The following LY86 variants were observed in gnomAD, a reference collection of about 807,000 sequenced individuals.
The protein encoded by LY86 is MD-1, RP105-associated.
A neutral mutation model predicts 17.3 loss-of-function variants in LY86; 20 were observed. The ratio of observed to expected loss-of-function variants is 1.15; its 90% CI spans 0.81 to 1.68. LY86 has a LOEUF of 1.68. LY86 is among the 40% of genes most tolerant of loss of function. The pLI is 0.00. For synonymous variants in LY86, 74 were observed against 70.6 expected (o/e 1.05, Z -0.24); for missense variants, 200 against 191.9 (o/e 1.04, Z -0.25).
At chr6:6,621,700 A>G (rs1024830527) in intron 1 of LY86, among the ~76,000 whole-genome samples, 1 of 152,228 alleles carries the variant, frequency 6.6e-6, no homozygotes, top group Non-Finnish European at 1.5e-5. Context: ...AATAGTGATG[A>G]CATTGAGGAA....
intron 1 of LY86, among the ~76,000 whole-genome samples, chr6:6,598,538 A>G (rs1219216235): frequency 6.6e-6 from 1 of 152,244 alleles, no homozygotes. Flanking sequence ...CTTGGTGGCC[A>G]GTCCACAAGT....
intron 3 of LY86, among the ~76,000 whole-genome samples, chr6:6,642,393 A>G (rs946702340): frequency 3.3e-5 from 5 of 152,246 alleles, no homozygotes; most frequent in African/African-American, 1.2e-4. Flanking sequence ...ATAAGAGTTG[A>G]ATGGCCCGGG....
intron 1 of LY86, among the ~76,000 whole-genome samples, chr6:6,610,013 C>T (rs1761290991): frequency 6.6e-6 from 1 of 152,158 alleles, no homozygotes. Flanking sequence ...TCGTGAACTC[C>T]TGGGCTCCAG....
chr6:6,607,201 G>GT (rs1207847537), intron 1 of LY86, among the ~76,000 whole-genome samples: 2 of 152,210 alleles, frequency 1.3e-5, no homozygotes, highest in Non-Finnish European at 2.9e-5. Flanking sequence ...TAAAGACAAT[G>GT]TTTATTTATG....
rs187164554 is a variant in LY86, at chr6:6,606,533, G to A, written c.136+17663G>A. Among the ~76,000 whole-genome samples, 1,072 of 152,276 alleles carry A rather than the reference G, an allele frequency of 7.0e-3. 9 individuals carry two copies. The highest frequency in any genetic ancestry group is 0.024 in the African/African-American group (1,013 of 41,532). On this transcript the variant is annotated intron_variant, in intron 1 of 4. Coordinates refer to ENST00000230568, the MANE Select transcript of LY86 (RefSeq NM_004271.4). ...CGCCGTGTAGCAGGGGGCGGCGCTC[G>A]TCGGGGAGGCTTGGGCGGCACAGGA...
chr6:6,650,446 C>T (rs868384293), intron 4 of LY86, among the ~76,000 whole-genome samples: 16 of 151,698 alleles, frequency 1.1e-4, no homozygotes, highest in Middle Eastern at 6.3e-3. Flanking sequence ...GCTATTCTTC[C>T]GCCTCAGCCT....
At chr6:6,639,980 A>G (rs1762015176) in intron 3 of LY86, among the ~76,000 whole-genome samples, 1 of 152,238 alleles carries the variant, frequency 6.6e-6, no homozygotes, top group Admixed American at 6.5e-5. Flanking sequence ...TGAGAACTTC[A>G]CAGATAATGC....
At chr6:6,607,498 CAAAAG>C (rs1581237734) in intron 1 of LY86, among the ~76,000 whole-genome samples, 1 of 151,306 alleles carries the variant, frequency 6.6e-6, no homozygotes, top group Non-Finnish European at 1.5e-5. Flanking sequence ...ACAATAAAAA[CAAAAG>C]AAAAAATTAA....
At chr6:6,592,956 G>A (rs1222360764) in intron 1 of LY86, among the ~76,000 whole-genome samples, 2 of 152,252 alleles carry the variant, frequency 1.3e-5, no homozygotes, top group African/African-American at 2.4e-5. Context: ...TGAGAGGTAA[G>A]AGCTTAGAAT....
At chr6:6,614,855 C>T (rs1761514006) in intron 1 of LY86, among the ~76,000 whole-genome samples, 1 of 152,106 alleles carries the variant, frequency 6.6e-6, no homozygotes, top group Non-Finnish European at 1.5e-5. Flanking sequence ...GTTCCAACTC[C>T]TCAGGACTGA....
At chr6:6,603,757 G>T (rs934419043) in intron 1 of LY86, among the ~76,000 whole-genome samples, 4 of 151,914 alleles carry the variant, frequency 2.6e-5, no homozygotes, top group African/African-American at 9.7e-5. Context: ...GTTTGGTAAG[G>T]AAGCCCTTCC....
At chr6:6,648,681 T>C (rs542577226) in intron 3 of LY86, among the ~76,000 whole-genome samples, 10 of 152,230 alleles carry the variant, frequency 6.6e-5, no homozygotes, top group East Asian at 1.9e-4. Flanking sequence ...GCATTGTTAT[T>C]AGTGCTGTTT....
chr6:6,648,261 C>G (rs562828003), intron 3 of LY86, among the ~76,000 whole-genome samples: 1 of 152,310 alleles, frequency 6.6e-6, no homozygotes, highest in African/African-American at 2.4e-5. Context: ...AGCAGAATGT[C>G]TCTGCAAAAC....
intron 1 of LY86, among the ~76,000 whole-genome samples, chr6:6,612,305 T>C (rs886640374): frequency 3.3e-5 from 5 of 152,236 alleles, no homozygotes; most frequent in Non-Finnish European, 5.9e-5. Context: ...GTGGCCTTGC[T>C]AACTTCAGGC....
intron 1 of LY86, among the ~76,000 whole-genome samples, chr6:6,604,333 C>T (rs1761023734): frequency 6.6e-6 from 1 of 151,664 alleles, no homozygotes; most frequent in Non-Finnish European, 1.5e-5. Context: ...AAATGTATAG[C>T]TTCTTTAATT....
Position 6,640,394 on chromosome 6 carries a change from G to GA in LY86, c.353-9224dup, listed in dbSNP as rs200643895. 1.7e-3 allele frequency among the ~76,000 whole-genome samples: 258 copies of GA among 149,306 alleles called. 3 individuals are homozygous for GA. The highest frequency in any genetic ancestry group is 6.0e-3 in the African/African-American group (243 of 40,310). On this transcript the variant is annotated intron_variant, in intron 3 of 4. Transcript: ENST00000230568. ...GCAACATAGAGAAACCCCATCTCTGGAAAAAAATAAAAATAAAAAAAAAAG... is the reference window on the plus strand; with the variant it reads ...GCAACATAGAGAAACCCCATCTCTGGAAAAAAAATAAAAATAAAAAAAAAAG...
At chr6:6,633,879 C>T (rs568841902) in intron 3 of LY86, among the ~76,000 whole-genome samples, 4 of 150,424 alleles carry the variant, frequency 2.7e-5, no homozygotes, top group Non-Finnish European at 2.9e-5. Flanking sequence ...AAGGCTTAAG[C>T]GAGTTAAATA....
intron 3 of LY86, among the ~76,000 whole-genome samples, chr6:6,634,462 T>G (rs1761935423): frequency 6.6e-6 from 1 of 152,250 alleles, no homozygotes; most frequent in Non-Finnish European, 1.5e-5. Context: ...GGCATAATAT[T>G]GCCCATAAGG....
chr6:6,612,140 G>A (rs1012309008), intron 1 of LY86, among the ~76,000 whole-genome samples: 4 of 150,954 alleles, frequency 2.6e-5, no homozygotes, highest in Non-Finnish European at 4.4e-5. Context: ...CAACTCCTAA[G>A]ATTGATAGAT....
Sources: allele counts gnomAD v4.1 joint callset (sites outside exome capture counted in the v4.1 genomes callset), GRCh38; gene constraint gnomAD v4.1.1; transcripts MANE v1.5; gene names NCBI Gene and HGNC (gene_info 2026-07-23, HGNC 2026-07-21).